Variants in FANCL observed in about 807,000 individuals in gnomAD.
FANCL encodes FA complementation group L, also known as E3 ubiquitin-protein ligase FANCL.
Under a neutral mutation model 59.4 loss-of-function variants are expected in FANCL, and 69 were observed. The ratio of observed to expected loss-of-function variants is 1.16; its 90% confidence interval spans 0.96 to 1.42. FANCL has a LOEUF of 1.42. FANCL is among the 40% of genes most tolerant of loss of function. The pLI, the probability that FANCL is intolerant of heterozygous loss-of-function variation, is 0.00. For missense variants in FANCL, 519 were observed against 447.2 expected (o/e 1.16, Z -1.45); for synonymous variants, 180 against 147.1 (o/e 1.22, Z -1.62).
At chr2:58,183,350 G>C (rs1269412505) in intron 7 of FANCL, among the ~76,000 whole-genome samples, 1 of 151,722 alleles carries the variant, frequency 6.6e-6, no homozygotes, top group Admixed American at 6.6e-5. Context: ...AAGTATATGG[G>C]TGTAGGTCTG....
At chr2:58,238,286 G>C (rs1211420368) in intron 1 of FANCL, among the ~76,000 whole-genome samples, 1 of 152,132 alleles carries the variant, frequency 6.6e-6, no homozygotes, top group African/African-American at 2.4e-5. Context: ...GACCATCAAA[G>C]TCTTGGCAAA....
In FANCL at chr2:58,159,334, G is replaced by GTAT. The variant is rs753094121; in HGVS notation, c.*428_*430dup. The GTAT allele has an allele frequency of 1.3e-6, 2 of 1,574,564 alleles. No homozygotes were observed. Among genetic ancestry groups the GTAT allele is most frequent in the South Asian group, 2.4e-5 (2 of 84,802 alleles). ...ACGTCTAACAAACTAAACTATATAT[G>GTAT]TATTTTTTCCATAGGAAAGCACAAG... is the stretch of plus-strand genomic sequence containing the variant. On this transcript the variant is annotated 3_prime_UTR_variant, in exon 14 of 14. Transcript: ENST00000233741.
chr2:58,221,346 A>G (rs1449169527), intron 5 of FANCL, among the ~76,000 whole-genome samples: 1 of 152,192 alleles, frequency 6.6e-6, no homozygotes, highest in Admixed American at 6.5e-5. Flanking sequence ...CAAACAAATC[A>G]TCACATACTT....
At position 58,204,222 on chromosome 2, in the gene FANCL, C is replaced by T; in HGVS notation, c.379G>A (p.Val127Met). ...EIGTLGWDKL[V>M]YADTCFSTIK... is the part of the protein sequence containing the mutation. ...GTACTGAAGCAGGTATCCGCATACA[C>T]AAGTCTGGTGAGCAGAGGAGAATAA... The change falls in exon 6 of 14, where the codon GTG (valine) becomes ATG (methionine). Residue 127 changes from valine (V) to methionine (M), a missense_variant. Transcript: ENST00000233741. 1.2e-6 allele frequency: 2 copies of T among 1,612,382 alleles called. No individual in the cohort carries two copies. Among genetic ancestry groups the T allele is most frequent in the Non-Finnish European group, 1.7e-6 (2 of 1,178,598 alleles).
chr2:58,194,521 T>G (rs1188118575), intron 7 of FANCL, among the ~76,000 whole-genome samples: 2 of 152,158 alleles, frequency 1.3e-5, no homozygotes, highest in Non-Finnish European at 2.9e-5. Context: ...AGCAAATATC[T>G]AGAAAGAGGT....
chr2:58,188,484 C>A (rs1187437495), intron 7 of FANCL, among the ~76,000 whole-genome samples: 1 of 151,722 alleles, frequency 6.6e-6, no homozygotes, highest in African/African-American at 2.4e-5. Flanking sequence ...GTCACCCAGG[C>A]TGAAGTGCAG....
chr2:58,213,532 C>G (rs1448177020), intron 5 of FANCL: 1 of 152,076 alleles, frequency 6.6e-6, no homozygotes, highest in African/African-American at 2.4e-5. Context: ...TATTTTTAAA[C>G]AGTATAAAAC....
rs1288601592 is a variant in FANCL at position 58,234,300 on chromosome 2, TGAAAA to T, written c.97-2193_97-2189del. ...AAATGAGAAATTGTATTTTAAAAAA[TGAAAA>T]GAAATGAATGAGCTGAATAAACGCA... On this transcript the variant is annotated intron_variant, in intron 1 of 13. Coordinates refer to ENST00000233741, the MANE Select transcript of FANCL (RefSeq NM_018062.4). 4.0e-5 allele frequency among the ~76,000 whole-genome samples: 6 copies of T among 150,938 alleles called. No homozygotes were observed. In the East Asian group the frequency reaches 5.8e-4, roughly 15 times the overall value.
At chr2:58,193,420 T>G (rs1689129244) in intron 7 of FANCL, among the ~76,000 whole-genome samples, 1 of 152,102 alleles carries the variant, frequency 6.6e-6, no homozygotes, top group South Asian at 2.1e-4. Context: ...GCTTTTTAAA[T>G]AAATAATTAG....
At chr2:58,229,089 T>C (rs184509248) in intron 3 of FANCL, among the ~76,000 whole-genome samples, 67 of 152,326 alleles carry the variant, frequency 4.4e-4, no homozygotes, top group Admixed American at 7.8e-4. Flanking sequence ...TCTTTGCAGC[T>C]TTAATGCTTT....
At chr2:58,201,093 C>A in intron 6 of FANCL, among the ~76,000 whole-genome samples, 1 of 149,668 alleles carries the variant, frequency 6.7e-6, no homozygotes, top group Middle Eastern at 4.3e-3. Flanking sequence ...TTCAGAATAG[C>A]TTCTGAATTA....
At chr2:58,241,343 C>G (rs371921135), upstream of FANCL, 14 of 1,608,514 alleles carry the variant, frequency 8.7e-6, no homozygotes, top group Non-Finnish European at 1.1e-5. Context: ...CACAGAAAAG[C>G]TCTAGACCTG....
At chr2:58,193,436 G>A (rs1010091432) in intron 7 of FANCL, among the ~76,000 whole-genome samples, 1 of 151,750 alleles carries the variant, frequency 6.6e-6, no homozygotes, top group South Asian at 2.1e-4. Context: ...ATTAGCTATC[G>A]AGAAAGAAAA....
At chr2:58,231,236 T>C (rs1693551439) in intron 2 of FANCL, among the ~76,000 whole-genome samples, 1 of 152,102 alleles carries the variant, frequency 6.6e-6, no homozygotes, top group South Asian at 2.1e-4. Flanking sequence ...CACCAAAAAG[T>C]CTATTCATAA....
At chr2:58,173,891 A>C (rs981601312) in intron 7 of FANCL, among the ~76,000 whole-genome samples, 5 of 152,012 alleles carry the variant, frequency 3.3e-5, no homozygotes, top group Non-Finnish European at 2.9e-5. Context: ...TCAGGAAACA[A>C]ATCTCACAAG....
At chr2:58,213,466 C>T (rs1691385251) in intron 5 of FANCL, 1 of 152,212 alleles carries the variant, frequency 6.6e-6, no homozygotes, top group South Asian at 2.1e-4. Context: ...ACAGAATTAT[C>T]TTCTTTGGCT....
At chr2:58,187,075 A>G (rs1015875081) in intron 7 of FANCL, among the ~76,000 whole-genome samples, 1 of 152,150 alleles carries the variant, frequency 6.6e-6, no homozygotes, top group Non-Finnish European at 1.5e-5. Context: ...GTATATACCC[A>G]AAGGATTATA....
At chr2:58,163,352 CTAATAT>C in intron 9 of FANCL, 76 bp downstream of exon 9, 1 of 952,768 alleles carries the variant, frequency 1.0e-6, no homozygotes, top group Non-Finnish European at 1.7e-6. Context: ...CATTAATATA[CTAATAT>C]TGTCTAATAA....
intron 5 of FANCL, among the ~76,000 whole-genome samples, chr2:58,206,968 C>T (rs1690649572): frequency 6.6e-6 from 1 of 152,142 alleles, no homozygotes; most frequent in Non-Finnish European, 1.5e-5. Context: ...AACTTACCTT[C>T]TCCAGTTTGG....
Sources: allele counts gnomAD v4.1 joint callset (sites outside exome capture counted in the v4.1 genomes callset), GRCh38; gene constraint gnomAD v4.1.1; transcripts MANE v1.5; gene names NCBI Gene and HGNC (gene_info 2026-07-23, HGNC 2026-07-21).